Variants in NR3C2 observed in about 807,000 individuals in gnomAD.
The protein encoded by NR3C2 is nuclear receptor subfamily 3 group C member 2.
In NR3C2, 15 loss-of-function variants were observed where a neutral mutation model predicts 86.4. The observed-to-expected ratio is 0.17, with a 90% CI of 0.12 to 0.27. The LOEUF is 0.27. NR3C2 is among the 10% of genes least tolerant of loss of function. The probability of loss-of-function intolerance (pLI) is 1.00; values close to 1 mark genes in which losing one functional copy is unlikely to be tolerated. For synonymous variants in NR3C2, 458 were observed against 450.5 expected (o/e 1.02, Z -0.21); for missense variants, 960 against 1,195.6 (o/e 0.80, Z 2.91).
chr4:148,425,753 A>C (rs1303379322), intron 2 of NR3C2, among the ~76,000 whole-genome samples: 1 of 152,138 alleles, frequency 6.6e-6, no homozygotes, highest in Non-Finnish European at 1.5e-5. Context: ...TTTTTAAAAG[A>C]TCCATCTGGC....
chr4:148,333,434 A>C (rs1355836786), intron 2 of NR3C2, among the ~76,000 whole-genome samples: 1 of 152,158 alleles, frequency 6.6e-6, no homozygotes, highest in Admixed American at 6.6e-5. Context: ...CTAAAAGACT[A>C]CATTTACCAG....
rs180715539 is a variant in NR3C2, at chr4:148,121,693, T to C, written c.2511-1405A>G. Among the ~76,000 whole-genome samples, 20 of 152,328 alleles carry C rather than the reference T, an allele frequency of 1.3e-4. No homozygotes were observed. In the East Asian group the frequency reaches 2.1e-3, roughly 16 times the overall value. ...CATGTATGTATCTACAAAAACAGCA[T>C]ACAGTACTGCTTTGTTTTATGTAAA... On this transcript the variant is annotated intron_variant, in intron 6 of 8. Transcript: ENST00000358102.
At chr4:148,243,564 T>C (rs1579059340) in intron 3 of NR3C2, among the ~76,000 whole-genome samples, 3 of 152,340 alleles carry the variant, frequency 2.0e-5, no homozygotes, top group South Asian at 4.1e-4. Context: ...CACTTCCTTA[T>C]ATACTAAGGA....
chr4:148,427,889 G>C (rs188032845), intron 2 of NR3C2, among the ~76,000 whole-genome samples: 1 of 152,214 alleles, frequency 6.6e-6, no homozygotes, highest in African/African-American at 2.4e-5. Flanking sequence ...CAAAAATTAG[G>C]ACAGTAACAG....
chr4:148,155,871 G>A (rs1734357495), intron 4 of NR3C2, among the ~76,000 whole-genome samples: 3 of 152,042 alleles, frequency 2.0e-5, no homozygotes, highest in Admixed American at 6.6e-5. Context: ...ATACTACAAG[G>A]CTACAGTAAC....
intron 2 of NR3C2, among the ~76,000 whole-genome samples, chr4:148,391,847 A>T (rs1466532576): frequency 6.9e-6 from 1 of 145,118 alleles, no homozygotes; most frequent in African/African-American, 2.5e-5. Context: ...AGCCTGGGTG[A>T]GAGAGCAAGA....
At position 148,239,651 on chromosome 4, in the gene NR3C2, C is replaced by T. The variant is rs1579054336; in HGVS notation, c.1897+20327G>A. 2.0e-5 allele frequency among the ~76,000 whole-genome samples: 3 copies of T among 152,226 alleles called. No homozygotes were observed. The East Asian group carries it at 5.8e-4, about 29-fold the overall frequency. On this transcript the variant is annotated intron_variant, in intron 3 of 8. Transcript: ENST00000358102. ...CACCAGGCCACCAGAAGGCACAGTT[C>T]TTAAAACTTGCTAATAAGCTCATTA...
At chr4:148,342,755 T>G (rs1486473986) in intron 2 of NR3C2, among the ~76,000 whole-genome samples, 1 of 152,180 alleles carries the variant, frequency 6.6e-6, no homozygotes, top group East Asian at 1.9e-4. Flanking sequence ...ATTTTTTATC[T>G]TATTTCTAAA....
intron 4 of NR3C2, among the ~76,000 whole-genome samples, chr4:148,193,188 C>T (rs1375260559): frequency 6.6e-6 from 1 of 152,170 alleles, no homozygotes; most frequent in African/African-American, 2.4e-5. Context: ...TTTCACTGGG[C>T]TCTCTAAGTT....
intron 1 of NR3C2, among the ~76,000 whole-genome samples, chr4:148,440,941 TTAAAGAC>T (rs1469852310): frequency 6.6e-6 from 1 of 152,250 alleles, no homozygotes; most frequent in Non-Finnish European, 1.5e-5. Context: ...AGATGGCACT[TTAAAGAC>T]TAAAGCTTAA....
intron 2 of NR3C2, among the ~76,000 whole-genome samples, chr4:148,311,597 C>T (rs1374908326): frequency 6.6e-6 from 1 of 152,218 alleles, no homozygotes; most frequent in Non-Finnish European, 1.5e-5. Context: ...CATACCTTGG[C>T]CCCTGTCCCC....
intron 6 of NR3C2, among the ~76,000 whole-genome samples, chr4:148,148,602 T>C (rs1263600502): frequency 6.6e-6 from 1 of 152,194 alleles, no homozygotes; most frequent in Non-Finnish European, 1.5e-5. Context: ...TGTTTCTTCC[T>C]GACACTGGGC....
rs986054616 is a variant in NR3C2 at position 148,079,218 on chromosome 4, T to C, written c.*2126A>G. ...ACTCCCAGTCTGCATGCTGTGTATT[T>C]ATTACCTTCAAAGTGTGGCTTTCAT... On this transcript the variant is annotated 3_prime_UTR_variant, in exon 9 of 9. Coordinates refer to ENST00000358102, the MANE Select transcript of NR3C2 (RefSeq NM_000901.5). 4 of 152,264 alleles carry C rather than the reference T, an allele frequency of 2.6e-5. No homozygotes were observed. The highest frequency in any genetic ancestry group is 9.6e-5 in the African/African-American group (4 of 41,470). The allele number at this position is 152,264 out of a possible 1,614,324, so 9.4% of individuals were successfully genotyped here.
chr4:148,309,668 T>C (rs1268411963), intron 2 of NR3C2, among the ~76,000 whole-genome samples: 1 of 152,208 alleles, frequency 6.6e-6, no homozygotes, highest in Non-Finnish European at 1.5e-5. Context: ...GAGACACACA[T>C]GCACATGGTT....
intron 2 of NR3C2, among the ~76,000 whole-genome samples, chr4:148,350,088 T>C (rs1237109386): frequency 1.3e-5 from 2 of 152,204 alleles, no homozygotes; most frequent in Non-Finnish European, 2.9e-5. Flanking sequence ...AGGTGCTTTA[T>C]GCTCAGTGCC....
At chr4:148,154,303 C>T (rs1734243506) in intron 5 of NR3C2, among the ~76,000 whole-genome samples, 1 of 152,158 alleles carries the variant, frequency 6.6e-6, no homozygotes, top group Admixed American at 6.6e-5. Context: ...GGATTACAGG[C>T]GTGAGCCACT....
At chr4:148,228,115 A>G (rs544208276) in intron 3 of NR3C2, among the ~76,000 whole-genome samples, 1 of 152,344 alleles carries the variant, frequency 6.6e-6, no homozygotes, top group Admixed American at 6.5e-5. Context: ...CCAGGAGATC[A>G]TAGTGCAATC....
chr4:148,427,201 T>C (rs1749586911), intron 2 of NR3C2, among the ~76,000 whole-genome samples: 1 of 152,066 alleles, frequency 6.6e-6, no homozygotes, highest in Admixed American at 6.6e-5. Context: ...GTGATGTGCC[T>C]ACCTTGGCCA....
At chr4:148,227,671 T>C (rs181962665) in intron 3 of NR3C2, among the ~76,000 whole-genome samples, 4 of 152,332 alleles carry the variant, frequency 2.6e-5, no homozygotes, top group Non-Finnish European at 4.4e-5. Flanking sequence ...TTTTTCACCA[T>C]TGATAGATTT....
Sources: allele counts gnomAD v4.1 joint callset (sites outside exome capture counted in the v4.1 genomes callset), GRCh38; gene constraint gnomAD v4.1.1; transcripts MANE v1.5; gene names NCBI Gene and HGNC (gene_info 2026-07-23, HGNC 2026-07-21).